Variants in VWA3B observed in about 807,000 individuals in gnomAD.
VWA3B encodes the protein von Willebrand factor A domain-containing protein 3B.
Under a neutral mutation model 158.3 loss-of-function variants are expected in VWA3B, and 138 were observed. That is an observed-to-expected ratio of 0.87 (90% CI 0.76 to 1.00). The LOEUF (loss-of-function observed/expected upper bound fraction) is 1.00, where lower values mean the gene tolerates loss of function less well. Among genes scored for constraint, VWA3B ranks in the 50% least tolerant of loss-of-function variants. VWA3B has a pLI of 0.00. For synonymous variants in VWA3B, 596 were observed against 587.3 expected (o/e 1.01, Z -0.21); for missense variants, 1,555 against 1,565.1 (o/e 0.99, Z 0.11).
In VWA3B at chr2:98,234,735, C is replaced by A; in HGVS notation, c.2396C>A (p.Ala799Asp). Residue 799 changes from alanine (A) to aspartate (D), a missense_variant, in exon 17 of 28, where the codon GCC (alanine) becomes GAC (aspartate). Physicochemically the swap from Ala to Asp is moderately radical, Grantham distance 126 (BLOSUM62 -2). Coordinates refer to ENST00000477737, the MANE Select transcript of VWA3B (RefSeq NM_144992.5). ...CSERKDGLSN[A>D]SSRRTALSDK... is the part of the protein sequence containing the mutation. ...GAAAGGAAGGATGGCCTCTCCAATG[C>A]CAGCAGCCGGAGGACTGCTCTAAGT... 2.5e-6 allele frequency: 4 copies of A among 1,614,200 alleles called. No homozygotes were observed. Among genetic ancestry groups the A allele is most frequent in the Non-Finnish European group, 3.4e-6 (4 of 1,180,024 alleles).
At chr2:98,193,963 G>T (rs1353453180) in intron 11 of VWA3B, among the ~76,000 whole-genome samples, 1 of 152,094 alleles carries the variant, frequency 6.6e-6, no homozygotes, top group Non-Finnish European at 1.5e-5. Flanking sequence ...CTGAATAATG[G>T]CTTTACCTAA....
intron 22 of VWA3B, among the ~76,000 whole-genome samples, chr2:98,272,916 C>T (rs1374275557): frequency 6.6e-6 from 1 of 152,082 alleles, no homozygotes; most frequent in Non-Finnish European, 1.5e-5. Context: ...TCTTTCTATC[C>T]CATGTGATGC....
chr2:98,301,549 C>T (rs754718507), intron 25 of VWA3B, among the ~76,000 whole-genome samples: 2 of 152,152 alleles, frequency 1.3e-5, no homozygotes, highest in South Asian at 4.1e-4. Context: ...TGTTAGGTAA[C>T]AGTAGTGATG....
chr2:98,277,792 A>G (rs1316116275), intron 22 of VWA3B, among the ~76,000 whole-genome samples: 2 of 152,216 alleles, frequency 1.3e-5, no homozygotes, highest in Admixed American at 6.5e-5. Context: ...TGTTGAGAAC[A>G]TTCTGTTGGG....
At chr2:98,096,539 G>T (rs1461768677) in intron 2 of VWA3B, among the ~76,000 whole-genome samples, 1 of 152,172 alleles carries the variant, frequency 6.6e-6, no homozygotes, top group East Asian at 1.9e-4. Flanking sequence ...AAAGTGCTGG[G>T]ATTACAGGTG....
At chr2:98,293,344 G>A (rs1051290346) in intron 23 of VWA3B, among the ~76,000 whole-genome samples, 6 of 152,266 alleles carry the variant, frequency 3.9e-5, no homozygotes, top group South Asian at 2.1e-4. Context: ...TCATATAAGC[G>A]GTAATTTTGA....
Position 98,270,892 on chromosome 2 carries a change from C to T in VWA3B, c.3045+9C>T. 6.2e-7 allele frequency: 1 copy of T among 1,612,866 alleles called. No individual in the cohort carries two copies. On this transcript the variant is annotated intron_variant, in intron 22 of 27. Coordinates refer to ENST00000477737, the MANE Select transcript of VWA3B (RefSeq NM_144992.5). The stretch of plus-strand genomic sequence containing the variant: ...ACAAGGCCCCGGGAGAGGTGGGTGC[C>T]CTGGAGGTCTCTGTCTTTCCTCCCT...
intron 6 of VWA3B, among the ~76,000 whole-genome samples, chr2:98,133,024 C>G (rs1208752914): frequency 6.6e-6 from 1 of 152,196 alleles, no homozygotes; most frequent in Non-Finnish European, 1.5e-5. Flanking sequence ...TTACTTGTGA[C>G]TTCCTCTGTC....
chr2:98,268,349 A>G (rs1004314087), intron 21 of VWA3B, among the ~76,000 whole-genome samples: 2 of 152,168 alleles, frequency 1.3e-5, no homozygotes, highest in Non-Finnish European at 2.9e-5. Flanking sequence ...ACCATGATCA[A>G]GTGGGCTTCA....
chr2:98,178,408 C>A (rs1680194344), intron 8 of VWA3B, among the ~76,000 whole-genome samples: 1 of 152,162 alleles, frequency 6.6e-6, no homozygotes, highest in South Asian at 2.1e-4. Context: ...ACATGGGTCT[C>A]ATGAAGCATT....
intron 25 of VWA3B, 29 bp from the exon 26 acceptor site, chr2:98,303,673 T>A (rs768731100): frequency 6.3e-7 from 1 of 1,598,464 alleles, no homozygotes; most frequent in Non-Finnish European, 8.6e-7. Flanking sequence ...CTGATTTAAG[T>A]TGAGTGAACT....
At chr2:98,142,028 T>A (rs1676809682) in intron 7 of VWA3B, among the ~76,000 whole-genome samples, 1 of 152,112 alleles carries the variant, frequency 6.6e-6, no homozygotes, top group African/African-American at 2.4e-5. Flanking sequence ...TCCAGTCTCC[T>A]CTCCTCTGGT....
intron 19 of VWA3B, among the ~76,000 whole-genome samples, chr2:98,239,214 G>T (rs1425950338): frequency 1.3e-5 from 2 of 152,160 alleles, no homozygotes; most frequent in African/African-American, 4.8e-5. Flanking sequence ...TGAAGTATAT[G>T]TGCAGAGAAT....
chr2:98,179,430 A>T, intron 8 of VWA3B: 2 of 447,610 alleles, frequency 4.5e-6, no homozygotes, highest in Admixed American at 4.8e-5. Context: ...TTTCCCTGTG[A>T]AGCTAAGGTG....
intron 2 of VWA3B, among the ~76,000 whole-genome samples, chr2:98,108,967 AT>A (rs1231205089): frequency 1.6e-5 from 2 of 125,772 alleles, no homozygotes; most frequent in Non-Finnish European, 3.5e-5. Flanking sequence ...TAGAATTCTT[AT>A]TTATCTATAA....
intron 8 of VWA3B, among the ~76,000 whole-genome samples, chr2:98,175,787 G>A (rs547908647): frequency 3.3e-5 from 5 of 152,296 alleles, no homozygotes; most frequent in East Asian, 3.9e-4. Context: ...TTGAAAGCCC[G>A]TGGGGTGCTC....
chr2:98,270,506 G>A (rs568000546), intron 21 of VWA3B, among the ~76,000 whole-genome samples, 176 bp from the exon 22 acceptor site: 1 of 152,218 alleles, frequency 6.6e-6, no homozygotes, highest in East Asian at 1.9e-4. Context: ...CCAAAGTCCT[G>A]ATAGAGCAGA....
At chr2:98,108,516 AT>A (rs1673855252) in intron 2 of VWA3B, among the ~76,000 whole-genome samples, 1 of 152,046 alleles carries the variant, frequency 6.6e-6, no homozygotes, top group African/African-American at 2.4e-5. Flanking sequence ...TGTTGCAAAT[AT>A]TTTGCAGTTC....
chr2:98,298,219 G>T (rs1328811374), intron 24 of VWA3B, among the ~76,000 whole-genome samples, 188 bp downstream of exon 24: 1 of 152,168 alleles, frequency 6.6e-6, no homozygotes, highest in Non-Finnish European at 1.5e-5. Flanking sequence ...CTTTGCTCGT[G>T]ACCCTGACCT....
Sources: allele counts gnomAD v4.1 joint callset (sites outside exome capture counted in the v4.1 genomes callset), GRCh38; gene constraint gnomAD v4.1.1; transcripts MANE v1.5; gene names NCBI Gene and HGNC (gene_info 2026-07-23, HGNC 2026-07-21).